DDX46: variants seen among roughly 807,000 people sequenced by gnomAD.
DDX46 encodes probable ATP-dependent RNA helicase DDX46.
DDX46 carries 30 observed loss-of-function variants against 134.9 expected under a neutral mutation model. The ratio of observed to expected loss-of-function variants is 0.22; its 90% CI spans 0.17 to 0.30. DDX46 has a LOEUF of 0.30. DDX46 is among the 10% of genes least tolerant of loss of function. The pLI, the probability that DDX46 is intolerant of heterozygous loss-of-function variation, is 1.00. For missense variants in DDX46, 622 were observed against 1,248.7 expected, an observed-to-expected ratio of 0.50 and a Z score of 7.56; for synonymous variants, 415 against 404.1, an observed-to-expected ratio of 1.03 and a Z score of -0.32.
chr5:134,830,830 G>A lies in DDX46; in HGVS notation c.*2124G>A, dbSNP rs1755719481. On this transcript the variant is annotated 3_prime_UTR_variant, in exon 23 of 23. Coordinates refer to ENST00000452510, the MANE Select transcript of DDX46 (RefSeq NM_001300860.2). ...ACCTAATGGTAGTTTGTTTTCTTTG[G>A]TAGAGTATATGGCAGTCCCACATCG... is the stretch of plus-strand genomic sequence containing the variant. The A allele has an allele frequency of 6.6e-6, 1 of 152,546 alleles. No individual in the cohort carries two copies. The allele number at this position is 152,546 out of a possible 1,614,324, so 9.4% of individuals were successfully genotyped here. A position where few individuals can be genotyped will look rare whatever the true frequency, so the allele number is the denominator to read the frequency against.
At chr5:134,759,788 G>A (rs2150126055) in intron 1 of DDX46, among the ~76,000 whole-genome samples, 1 of 152,276 alleles carries the variant, frequency 6.6e-6, no homozygotes, top group African/African-American at 2.4e-5. Flanking sequence ...ATGAAATTTA[G>A]CAAATATATA....
intron 17 of DDX46, 23 bp downstream of exon 17, chr5:134,811,381 T>C (rs1176860867): frequency 6.2e-7 from 1 of 1,611,230 alleles, no homozygotes; most frequent in Admixed American, 1.7e-5. Context: ...CCCATGTTAC[T>C]CTTCTAGAAA....
chr5:134,760,251 C>G (rs1383080760), intron 1 of DDX46, among the ~76,000 whole-genome samples: 1 of 152,178 alleles, frequency 6.6e-6, no homozygotes, highest in African/African-American at 2.4e-5. Flanking sequence ...CATTCTAGCC[C>G]GTCAGCCTTC....
chr5:134,764,854 C>T (rs1451392282), intron 2 of DDX46, among the ~76,000 whole-genome samples: 3 of 150,416 alleles, frequency 2.0e-5, no homozygotes, highest in African/African-American at 7.3e-5. Context: ...TCTCTTCCTT[C>T]CTCCCTATCT....
chr5:134,802,118 CT>C (rs577898544), intron 15 of DDX46, among the ~76,000 whole-genome samples: 1 of 144,472 alleles, frequency 6.9e-6, no homozygotes. Flanking sequence ...CTTTTTCAAC[CT>C]TTTTTTTCCC....
At chr5:134,759,021 G>A (rs995069207) in intron 1 of DDX46, 66 bp downstream of exon 1, 87 of 1,593,240 alleles carry the variant, frequency 5.5e-5, no homozygotes, top group South Asian at 4.0e-4. Flanking sequence ...AGAGGCGGGA[G>A]TTGAGGTGGC....
chr5:134,794,866 A>G lies in DDX46; in HGVS notation c.1643A>G (p.Asp548Gly). Residue 548 changes from aspartate (D) to glycine (G), a missense_variant, in exon 14 of 23, where the codon GAT becomes GGT. Physicochemically the swap from Asp to Gly is moderately conservative, Grantham distance 94. Transcript: ENST00000452510. ...TTTTCTCAGGTCATGCGCATCGTGG[A>G]TAATGTTCGTCCTGATCGACAGACG... ...GFEPQVMRIV[D>G]NVRPDRQTVM... 6.2e-7 allele frequency: 1 copy of G among 1,614,108 alleles called. No individual in the cohort carries two copies. Among genetic ancestry groups the G allele is most frequent in the East Asian group, 2.2e-5 (1 of 44,890 alleles).
At chr5:134,803,307 AT>A (rs1376880198) in intron 15 of DDX46, among the ~76,000 whole-genome samples, 17 of 149,140 alleles carry the variant, frequency 1.1e-4, no homozygotes, top group South Asian at 2.1e-4. Flanking sequence ...AAATCTCTGA[AT>A]TTTTTTTTTT....
intron 18 of DDX46, among the ~76,000 whole-genome samples, chr5:134,813,747 CTGG>C (rs1394905043): frequency 6.6e-6 from 1 of 152,040 alleles, no homozygotes; most frequent in Non-Finnish European, 1.5e-5. Flanking sequence ...TCTTGAGTAG[CTGG>C]TACTATGGGT....
At chr5:134,800,934 C>G (rs925858255) in intron 15 of DDX46, among the ~76,000 whole-genome samples, 31 of 152,214 alleles carry the variant, frequency 2.0e-4, no homozygotes, top group Middle Eastern at 3.4e-3. Flanking sequence ...CCTCAGCCTC[C>G]CAAAGTGCTG....
chr5:134,827,379 A>G (rs976791016), intron 22 of DDX46, among the ~76,000 whole-genome samples: 1 of 151,566 alleles, frequency 6.6e-6, no homozygotes, highest in Non-Finnish European at 1.5e-5. Flanking sequence ...CGTTCAAGTG[A>G]TTCTCCTGCC....
At position 134,828,627 on chromosome 5, in the gene DDX46, T is replaced by C. The variant is rs1324601851; in HGVS notation, c.3052-32T>C. ...TTTTTGTTTTTTTTGTTTTGCTTTC[T>C]CTGATGACATATCTTTTATTTCCTA... On this transcript the variant is annotated intron_variant, in intron 22 of 22. Coordinates refer to ENST00000452510, the MANE Select transcript of DDX46 (RefSeq NM_001300860.2). 3.6e-6 allele frequency: 5 copies of C among 1,399,040 alleles called. No individual in the cohort carries two copies. The East Asian group carries it at 1.3e-4, about 36-fold the overall frequency. The allele number at this position is 1,399,040 out of a possible 1,614,324, so 86.7% of individuals were successfully genotyped here.
chr5:134,775,402 T>C (rs936386972), intron 5 of DDX46, among the ~76,000 whole-genome samples: 3 of 152,176 alleles, frequency 2.0e-5, no homozygotes, highest in African/African-American at 7.2e-5. Flanking sequence ...ATGGTTTAAA[T>C]AGATTCTATC....
rs149014526 is a variant in DDX46, at chr5:134,813,422, G to GGATGA, written c.2436+1578_2436+1582dup. 3.6e-3 allele frequency among the ~76,000 whole-genome samples: 554 copies of GGATGA among 152,284 alleles called. 3 individuals carry two copies. The highest frequency in any genetic ancestry group is 0.013 in the African/African-American group (530 of 41,554). On this transcript the variant is annotated intron_variant, in intron 18 of 22. Coordinates refer to ENST00000452510, the MANE Select transcript of DDX46 (RefSeq NM_001300860.2). The stretch of plus-strand genomic sequence containing the variant: ...GTCATCTGCAGGCTTGACTGTTGCT[G>GGATGA]GATGATCTGCTTCCAACATCAGTCA...
In DDX46 at chr5:134,828,806, CTA is replaced by C; in HGVS notation, c.*102_*103del. 1 of 901,092 alleles carries C rather than the reference CTA, an allele frequency of 1.1e-6. No homozygotes were observed. 55.8% of individuals were successfully genotyped at this position (901,092 alleles called of 1,614,324 possible). On this transcript the variant is annotated 3_prime_UTR_variant, in exon 23 of 23. Coordinates refer to ENST00000452510, the MANE Select transcript of DDX46 (RefSeq NM_001300860.2). ...ATTGTAAATGAAGATTTTTTAAATT[CTA>C]TCTTGCTGATTTTTTTTAAATATAA... is the stretch of plus-strand genomic sequence containing the variant.
At chr5:134,822,093 G>C (rs1429677968) in intron 21 of DDX46, among the ~76,000 whole-genome samples, 5 of 151,698 alleles carry the variant, frequency 3.3e-5, no homozygotes, top group Admixed American at 3.3e-4. Flanking sequence ...TGGCCAGGCT[G>C]TTCTTGAACT....
intron 3 of DDX46, among the ~76,000 whole-genome samples, chr5:134,768,312 G>A (rs1438730442): frequency 5.3e-5 from 8 of 151,584 alleles, no homozygotes; most frequent in African/African-American, 1.7e-4. Context: ...GGGTTTCACC[G>A]TGTTAGCCAG....
chr5:134,773,486 T>G (rs1393156356), intron 4 of DDX46, among the ~76,000 whole-genome samples: 1 of 152,166 alleles, frequency 6.6e-6, no homozygotes, highest in Non-Finnish European at 1.5e-5. Context: ...TTGAAGATGC[T>G]TTTTTTGTGA....
intron 4 of DDX46, among the ~76,000 whole-genome samples, chr5:134,773,110 A>G (rs1554147878): frequency 6.6e-6 from 1 of 151,590 alleles, no homozygotes; most frequent in Non-Finnish European, 1.5e-5. Flanking sequence ...ATAAACTTGT[A>G]TTTTTTTAAT....
Sources: allele counts gnomAD v4.1 joint callset (sites outside exome capture counted in the v4.1 genomes callset), GRCh38; gene constraint gnomAD v4.1.1; transcripts MANE v1.5; gene names NCBI Gene and HGNC (gene_info 2026-07-23, HGNC 2026-07-21).